The following CNTNAP5 variants were observed in gnomAD, a reference collection of about 807,000 sequenced individuals.
CNTNAP5 encodes contactin-associated protein-like 5.
In CNTNAP5, 72 loss-of-function variants were observed where a neutral mutation model predicts 150.2. The ratio of observed to expected loss-of-function variants is 0.48; its 90% CI spans 0.40 to 0.58. The LOEUF (loss-of-function observed/expected upper bound fraction) is 0.58. CNTNAP5 is among the 20% of genes least tolerant of loss of function. The pLI, the probability that CNTNAP5 is intolerant of heterozygous loss-of-function variation, is 0.00. For missense variants in CNTNAP5, 1,636 were observed against 1,626.2 expected, an observed-to-expected ratio of 1.01 and a Z score of -0.10; for synonymous variants, 672 against 619.8, an observed-to-expected ratio of 1.08 and a Z score of -1.25.
intron 8 of CNTNAP5, among the ~76,000 whole-genome samples, chr2:124,519,147 C>T (rs1047293336): frequency 6.6e-6 from 1 of 151,746 alleles, no homozygotes; most frequent in African/African-American, 2.4e-5. Context: ...TCCATAGAGG[C>T]ACAAAGGTAG....
intron 12 of CNTNAP5, among the ~76,000 whole-genome samples, chr2:124,646,404 C>A (rs1678202445): frequency 6.6e-6 from 1 of 152,116 alleles, no homozygotes; most frequent in Non-Finnish European, 1.5e-5. Context: ...TGCCTCGGGT[C>A]ATTTCTTTAC....
At chr2:124,310,604 T>C (rs946152494) in intron 3 of CNTNAP5, among the ~76,000 whole-genome samples, 1 of 152,114 alleles carries the variant, frequency 6.6e-6, no homozygotes. Context: ...ATGATTCTTT[T>C]GAAAAGCCTT....
intron 19 of CNTNAP5, among the ~76,000 whole-genome samples, chr2:124,838,230 G>A (rs1682869544): frequency 6.6e-6 from 1 of 152,146 alleles, no homozygotes; most frequent in Non-Finnish European, 1.5e-5. Context: ...ATTTAATGAA[G>A]TAGAAGTAGA....
chr2:124,270,082 G>A (rs868692799), intron 3 of CNTNAP5, among the ~76,000 whole-genome samples: 2 of 152,110 alleles, frequency 1.3e-5, no homozygotes, highest in African/African-American at 4.8e-5. Context: ...TTGGGAGGCC[G>A]AGGCGGGTGG....
At chr2:124,189,099 A>C (rs1685403329) in intron 1 of CNTNAP5, among the ~76,000 whole-genome samples, 1 of 152,162 alleles carries the variant, frequency 6.6e-6, no homozygotes, top group African/African-American at 2.4e-5. Flanking sequence ...CTAGATAATT[A>C]AGAATTGTTA....
chr2:124,089,236 A>G (rs1682763814), intron 1 of CNTNAP5, among the ~76,000 whole-genome samples: 1 of 150,694 alleles, frequency 6.6e-6, no homozygotes, highest in South Asian at 2.1e-4. Flanking sequence ...GGAAAAGTCT[A>G]TTTTCTCCAC....
In CNTNAP5 at chr2:124,404,711, T is replaced by G. The variant is rs377330167; in HGVS notation, c.382-12732T>G. Reference sequence around the variant, plus strand: ...CCCTGTGATCTCCTTTCTATGTGCTTATTTTCTTTTCTAATATTCAGGCCA... The same window carrying G: ...CCCTGTGATCTCCTTTCTATGTGCTGATTTTCTTTTCTAATATTCAGGCCA... On this transcript the variant is annotated intron_variant, in intron 3 of 23. Transcript: ENST00000682447. 1.5e-3 allele frequency among the ~76,000 whole-genome samples: 223 copies of G among 152,322 alleles called. 4 individuals are homozygous for G. The South Asian group carries it at 0.043, about 29-fold the overall frequency.
intron 1 of CNTNAP5, among the ~76,000 whole-genome samples, chr2:124,087,701 G>A (rs12711666): frequency 0.11 from 17,199 of 151,704 alleles, 1,236 homozygotes; most frequent in South Asian, 0.22. Context: ...CAGCCTGGGC[G>A]ACAGAGCGAG....
intron 1 of CNTNAP5, among the ~76,000 whole-genome samples, chr2:124,071,514 A>G (rs1682304284): frequency 6.6e-6 from 1 of 151,946 alleles, no homozygotes; most frequent in Non-Finnish European, 1.5e-5. Flanking sequence ...ATGAAAAATA[A>G]GAAATTCCAA....
chr2:124,799,557 C>T (rs916927199), intron 19 of CNTNAP5, among the ~76,000 whole-genome samples: 22 of 152,232 alleles, frequency 1.4e-4, no homozygotes, highest in South Asian at 6.2e-4. Context: ...AGTTTCTGCA[C>T]GGACAGTGGT....
At chr2:124,025,776 A>G (rs1680870362) in intron 1 of CNTNAP5, 44 bp downstream of exon 1, 1 of 1,450,536 alleles carries the variant, frequency 6.9e-7, no homozygotes, top group East Asian at 2.3e-5. Context: ...GTGGAAAACG[A>G]TCGCATTCAG....
intron 5 of CNTNAP5, among the ~76,000 whole-genome samples, chr2:124,441,909 C>T (rs1692684033): frequency 6.6e-6 from 1 of 150,410 alleles, no homozygotes; most frequent in Admixed American, 6.6e-5. Flanking sequence ...AAACAAGGAG[C>T]AATGCTAATC....
At chr2:124,713,356 T>C (rs966533638) in intron 13 of CNTNAP5, among the ~76,000 whole-genome samples, 2 of 138,606 alleles carry the variant, frequency 1.4e-5, no homozygotes, top group African/African-American at 5.5e-5. Flanking sequence ...TCTTTCTTTC[T>C]TTCTTTCTTT....
At chr2:124,340,487 A>G (rs1689582684) in intron 3 of CNTNAP5, among the ~76,000 whole-genome samples, 1 of 152,100 alleles carries the variant, frequency 6.6e-6, no homozygotes, top group African/African-American at 2.4e-5. Context: ...CCCAAATAAT[A>G]TACCATACTC....
intron 1 of CNTNAP5, among the ~76,000 whole-genome samples, chr2:124,206,847 G>A (rs1039747174): frequency 6.6e-6 from 1 of 152,164 alleles, no homozygotes. Flanking sequence ...ATTACAGGGA[G>A]ATGACCAAGG....
In CNTNAP5 at chr2:124,877,295, C is replaced by T. The variant is rs547895218; in HGVS notation, c.3436+7533C>T. ...TGCCCTTGAGTTACTCATTTTATAT[C>T]GTCACTTGCCTGCTCTGTCTATACT... On this transcript the variant is annotated intron_variant, in intron 21 of 23. Transcript: ENST00000682447. Among the ~76,000 whole-genome samples the T allele has an allele frequency of 7.2e-5, 11 of 152,148 alleles. No individual in the cohort carries two copies. The South Asian group carries it at 1.5e-3, about 20-fold the overall frequency.
At chr2:124,506,179 C>G (rs1694402568) in intron 8 of CNTNAP5, among the ~76,000 whole-genome samples, 1 of 124,790 alleles carries the variant, frequency 8.0e-6, no homozygotes, top group Non-Finnish European at 1.6e-5. Flanking sequence ...CAGTTAGAAG[C>G]AGACTTTTAA....
At chr2:124,447,066 T>C in intron 6 of CNTNAP5, 129 bp downstream of exon 6, 2 of 815,440 alleles carry the variant, frequency 2.5e-6, no homozygotes, top group Admixed American at 2.6e-5. Context: ...ACTTACTTCC[T>C]CCATCTATGC....
At chr2:124,838,187 C>A (rs1682868663) in intron 19 of CNTNAP5, among the ~76,000 whole-genome samples, 1 of 152,156 alleles carries the variant, frequency 6.6e-6, no homozygotes. Context: ...GCCAGATACT[C>A]TTAAAGTGCT....
Sources: gnomAD v4.1 joint callset for allele counts (sites outside exome capture counted in the v4.1 genomes callset) on GRCh38, gnomAD v4.1.1 for gene constraint, MANE v1.5 for transcripts, NCBI Gene and HGNC (gene_info 2026-07-23, HGNC 2026-07-21) for gene names.